The following MED27 variants were observed in gnomAD, a reference collection of about 807,000 sequenced individuals.
MED27 encodes mediator of RNA polymerase II transcription subunit 27.
MED27 carries 30 observed loss-of-function variants against 38.2 expected under a neutral mutation model. The ratio of observed to expected loss-of-function variants is 0.79; its 90% confidence interval spans 0.59 to 1.07. The LOEUF (loss-of-function observed/expected upper bound fraction) is 1.07, where lower values mean the gene tolerates loss of function less well. Ranked by LOEUF, MED27 falls within the 50% of genes least tolerant of loss-of-function variation. The probability of loss-of-function intolerance (pLI) is 0.00; values close to 1 mark genes in which losing one functional copy is unlikely to be tolerated. For synonymous variants in MED27, 122 were observed against 153.5 expected (o/e 0.79, Z 1.52); for missense variants, 289 against 397.5 (o/e 0.73, Z 2.32).
At chr9:131,957,541 T>C (rs1002791846) in intron 3 of MED27, among the ~76,000 whole-genome samples, 1 of 152,178 alleles carries the variant, frequency 6.6e-6, no homozygotes, top group African/African-American at 2.4e-5. Context: ...CAATGTAGCA[T>C]GAGCTACAGA....
At chr9:132,015,948 T>C (rs1004897429) in intron 2 of MED27, among the ~76,000 whole-genome samples, 4 of 152,224 alleles carry the variant, frequency 2.6e-5, no homozygotes, top group Non-Finnish European at 5.9e-5. Context: ...GCAAGGTCTT[T>C]CAAACATTTA....
At chr9:131,868,590 A>T (rs1838774394) in intron 6 of MED27, 3 of 985,474 alleles carry the variant, frequency 3.0e-6, no homozygotes, top group African/African-American at 3.5e-5. Context: ...ATTCTGATTT[A>T]CATTGGACAG....
chr9:132,014,221 A>ATT, intron 3 of MED27, 116 bp downstream of exon 3: 1 of 1,203,378 alleles, frequency 8.3e-7, no homozygotes, highest in East Asian at 2.5e-5. Flanking sequence ...CGTCTCAAAA[A>ATT]AAGGAAGGGA....
chr9:132,047,368 A>ATATACAGG (rs1431414620), intron 2 of MED27, among the ~76,000 whole-genome samples: 2 of 152,046 alleles, frequency 1.3e-5, no homozygotes, highest in Non-Finnish European at 2.9e-5. Context: ...AGAGCCACCC[A>ATATACAGG]TATACAGGTA....
rs1445475503 is a variant in MED27 at position 131,907,943 on chromosome 9, G to A, written c.574-13951C>T. On this transcript the variant is annotated intron_variant, in intron 4 of 7. Transcript: ENST00000292035. ...TGGAAGGTGAGGAGCGTCTCTGCCC[G>A]GCTGCCCCATCTGAGAAGTGAGGAG... Among the ~76,000 whole-genome samples, 7 of 150,458 alleles carry A rather than the reference G, an allele frequency of 4.7e-5. No individual in the cohort carries two copies. The East Asian group carries it at 8.0e-4, about 17-fold the overall frequency.
chr9:131,960,919 T>A (rs1205093582), intron 3 of MED27, among the ~76,000 whole-genome samples: 1 of 152,118 alleles, frequency 6.6e-6, no homozygotes, highest in Non-Finnish European at 1.5e-5. Flanking sequence ...GGTTAAATAT[T>A]AGGCAAAACG....
chr9:132,047,441 G>GACACAC (rs56144736), intron 2 of MED27, among the ~76,000 whole-genome samples: 13,484 of 145,102 alleles, frequency 0.093, 926 homozygotes, highest in African/African-American at 0.19. Context: ...TAATGTTTTA[G>GACACAC]ACACACACAC....
intron 3 of MED27, among the ~76,000 whole-genome samples, chr9:132,002,475 CTG>C (rs1462391886): frequency 6.6e-6 from 1 of 152,164 alleles, no homozygotes; most frequent in Non-Finnish European, 1.5e-5. Context: ...GTCACTGTAC[CTG>C]TGAGAGCTGG....
At chr9:131,888,431 G>A (rs1005537594) in intron 5 of MED27, among the ~76,000 whole-genome samples, 1 of 152,194 alleles carries the variant, frequency 6.6e-6, no homozygotes, top group Admixed American at 6.5e-5. Flanking sequence ...GCAGGATGCC[G>A]GGGCTGCGCG....
Position 131,871,199 on chromosome 9 carries a change from C to T in MED27, c.724-8059G>A, listed in dbSNP as rs533888033. ...CTCACCCTACCATACACCCCACATT[C>T]GGTATGCAGCACCCACACGCTTTTT... On this transcript the variant is annotated intron_variant, in intron 6 of 7. Coordinates refer to ENST00000292035, the MANE Select transcript of MED27 (RefSeq NM_004269.4). Among the ~76,000 whole-genome samples the T allele has an allele frequency of 9.9e-5, 15 of 152,268 alleles. No individual in the cohort carries two copies. The East Asian group carries it at 2.1e-3, about 22-fold the overall frequency.
chr9:131,934,746 G>C (rs1830650711), intron 4 of MED27, among the ~76,000 whole-genome samples: 1 of 152,194 alleles, frequency 6.6e-6, no homozygotes, highest in Non-Finnish European at 1.5e-5. Flanking sequence ...GTATATCAAA[G>C]AGATAGCTGC....
chr9:131,907,603 C>T (rs1830092457), intron 4 of MED27, among the ~76,000 whole-genome samples: 1 of 152,174 alleles, frequency 6.6e-6, no homozygotes, highest in Admixed American at 6.5e-5. Context: ...CTTGGCCCCC[C>T]AAAGTGCCGA....
At chr9:131,922,333 A>G (rs1262753154) in intron 4 of MED27, among the ~76,000 whole-genome samples, 1 of 151,982 alleles carries the variant, frequency 6.6e-6, no homozygotes, top group African/African-American at 2.4e-5. Flanking sequence ...GGACTCAAGG[A>G]TTACTACTGT....
intron 4 of MED27, among the ~76,000 whole-genome samples, chr9:131,937,604 C>T (rs180949098): frequency 1.3e-5 from 2 of 152,290 alleles, no homozygotes; most frequent in East Asian, 3.9e-4. Flanking sequence ...ATCCTGTTCC[C>T]TCTGCTCATT....
At chr9:132,036,865 T>C (rs1202422471) in intron 2 of MED27, among the ~76,000 whole-genome samples, 1 of 152,072 alleles carries the variant, frequency 6.6e-6, no homozygotes, top group Non-Finnish European at 1.5e-5. Flanking sequence ...TTGTGTCAAA[T>C]GCCACAAAGG....
chr9:131,886,875 T>C (rs1437695240), intron 5 of MED27, among the ~76,000 whole-genome samples: 1 of 152,218 alleles, frequency 6.6e-6, no homozygotes, highest in Admixed American at 6.5e-5. Flanking sequence ...GAATGACTTT[T>C]GCATCGTTTA....
intron 2 of MED27, among the ~76,000 whole-genome samples, chr9:132,035,014 C>T (rs1052824846): frequency 1.3e-5 from 2 of 152,098 alleles, no homozygotes; most frequent in African/African-American, 4.8e-5. Flanking sequence ...CGGAAAAGAC[C>T]AATCAAGACT....
chr9:132,015,787 T>A (rs556690120), intron 2 of MED27, among the ~76,000 whole-genome samples: 1 of 152,224 alleles, frequency 6.6e-6, no homozygotes, highest in Non-Finnish European at 1.5e-5. Flanking sequence ...AGAGTTGTCA[T>A]CAATATCGCT....
chr9:132,026,262 C>G (rs1832816156), intron 2 of MED27, among the ~76,000 whole-genome samples: 1 of 152,174 alleles, frequency 6.6e-6, no homozygotes, highest in Non-Finnish European at 1.5e-5. Flanking sequence ...GCTTTGGGAC[C>G]AGGAGTGAGA....
Sources: gnomAD v4.1 joint callset for allele counts (sites outside exome capture counted in the v4.1 genomes callset) on GRCh38, gnomAD v4.1.1 for gene constraint, MANE v1.5 for transcripts, NCBI Gene and HGNC (gene_info 2026-07-23, HGNC 2026-07-21) for gene names.